SAMMSON: variants seen among roughly 807,000 people sequenced by gnomAD.
The protein encoded by SAMMSON is long intergenic non-protein coding RNA 1212.
At chr3:70,131,116 A>G (rs1039882087) in intron 4 of SAMMSON, among the ~76,000 whole-genome samples, 3 of 152,210 alleles carry the variant, frequency 2.0e-5, no homozygotes, top group Non-Finnish European at 4.4e-5. Context: ...AGCCAGTTTT[A>G]AAAATAGAAG....
chr3:70,408,942 C>G (rs1701196908), intron 2 of SAMMSON, among the ~76,000 whole-genome samples: 1 of 152,094 alleles, frequency 6.6e-6, no homozygotes, highest in Non-Finnish European at 1.5e-5. Context: ...TAGCAGGAGG[C>G]AAAAGCACTT....
intron 4 of SAMMSON, among the ~76,000 whole-genome samples, chr3:70,242,407 T>C (rs1408373556): frequency 6.6e-6 from 1 of 152,192 alleles, no homozygotes. Flanking sequence ...TTTGTAGAAT[T>C]AGATAATTAT....
chr3:70,402,254 CT>C (rs1701146545), intron 2 of SAMMSON, among the ~76,000 whole-genome samples: 1 of 152,144 alleles, frequency 6.6e-6, no homozygotes, highest in South Asian at 2.1e-4. Flanking sequence ...ACATATATTT[CT>C]TACTGAAACA....
chr3:70,002,459 A>C (rs1295186124), intron 1 of SAMMSON, among the ~76,000 whole-genome samples: 2 of 152,206 alleles, frequency 1.3e-5, no homozygotes, highest in Non-Finnish European at 2.9e-5. Flanking sequence ...AACTCAGAGA[A>C]TATATAAAAA....
At chr3:70,078,405 A>T (rs1314724417) in intron 4 of SAMMSON, among the ~76,000 whole-genome samples, 1 of 152,100 alleles carries the variant, frequency 6.6e-6, no homozygotes, top group African/African-American at 2.4e-5. Context: ...TGGTTCACTA[A>T]GTCTCTGGGT....
intron 4 of SAMMSON, among the ~76,000 whole-genome samples, chr3:70,223,855 A>G (rs945196638): frequency 2.0e-5 from 3 of 152,046 alleles, no homozygotes; most frequent in African/African-American, 7.2e-5. Flanking sequence ...TTTAGACTTA[A>G]TCTTTTTTCT....
downstream of SAMMSON, among the ~76,000 whole-genome samples, chr3:70,394,310 G>A (rs749937396): frequency 2.0e-5 from 3 of 152,154 alleles, no homozygotes; most frequent in Non-Finnish European, 4.4e-5. Flanking sequence ...TCTTATTTGG[G>A]TGGATCCTGG....
rs181665602 is a variant in SAMMSON, at chr3:70,409,053, G to C, written n.233+50729G>C. 8.5e-5 allele frequency among the ~76,000 whole-genome samples: 13 copies of C among 152,212 alleles called. No individual in the cohort carries two copies. In the East Asian group the frequency reaches 2.5e-3, roughly 29 times the overall value. On this transcript the variant is annotated intron_variant and non_coding_transcript_variant, in intron 2 of 3. Transcript: ENST00000641053. ...AGACTTATTCACTACCATGAGAACAGCATGAGGGAAACCACCCCCATGATT... is the reference window on the plus strand; with the variant it reads ...AGACTTATTCACTACCATGAGAACACCATGAGGGAAACCACCCCCATGATT...
intron 7 of SAMMSON, among the ~76,000 whole-genome samples, chr3:70,305,319 A>C (rs997061103): frequency 6.6e-6 from 1 of 152,076 alleles, no homozygotes; most frequent in Non-Finnish European, 1.5e-5. Flanking sequence ...ACGCACTTTC[A>C]TGAGTTAATG....
intron 9 of SAMMSON, among the ~76,000 whole-genome samples, chr3:70,373,829 C>T (rs986879683): frequency 1.3e-5 from 2 of 152,032 alleles, no homozygotes; most frequent in South Asian, 2.1e-4. Flanking sequence ...TTATCTTTCT[C>T]TGTAGAAAGA....
chr3:70,290,739 C>T (rs1702228772), intron 6 of SAMMSON, among the ~76,000 whole-genome samples: 1 of 152,300 alleles, frequency 6.6e-6, no homozygotes, highest in Non-Finnish European at 1.5e-5. Flanking sequence ...CCCTCCGAGC[C>T]AGGTGCAGGT....
chr3:70,136,486 A>G (rs1198255837), intron 4 of SAMMSON, among the ~76,000 whole-genome samples: 1 of 152,220 alleles, frequency 6.6e-6, no homozygotes, highest in Non-Finnish European at 1.5e-5. Context: ...CAAGCCTTCA[A>G]ATGATTGCAG....
chr3:70,141,712 C>T (rs553066447), intron 4 of SAMMSON, among the ~76,000 whole-genome samples: 2 of 152,258 alleles, frequency 1.3e-5, no homozygotes, highest in East Asian at 3.9e-4. Context: ...CCTTTGGCAA[C>T]CTTGTGTAGG....
chr3:70,142,124 G>A (rs990598963), intron 4 of SAMMSON, among the ~76,000 whole-genome samples: 6 of 4,934 alleles, frequency 1.2e-3, no homozygotes, highest in African/African-American at 1.6e-3. Flanking sequence ...ACAGCATGGA[G>A]GTTCCCTAAA....
At chr3:70,299,063 G>A (rs1475313720) in intron 7 of SAMMSON, among the ~76,000 whole-genome samples, 1 of 152,066 alleles carries the variant, frequency 6.6e-6, no homozygotes, top group Non-Finnish European at 1.5e-5. Flanking sequence ...CAGATTATAA[G>A]GAGATACCAA....
intron 4 of SAMMSON, among the ~76,000 whole-genome samples, chr3:70,168,960 A>T (rs1300884362): frequency 6.6e-6 from 1 of 151,930 alleles, no homozygotes; most frequent in African/African-American, 2.4e-5. Context: ...CTGTGTGTTG[A>T]ATTGCACTGA....
At chr3:70,336,625 A>G (rs1162482320) in intron 7 of SAMMSON, among the ~76,000 whole-genome samples, 1 of 151,988 alleles carries the variant, frequency 6.6e-6, no homozygotes, top group Non-Finnish European at 1.5e-5. Flanking sequence ...TCTCTTCATT[A>G]GTCTTGTAAA....
At chr3:70,329,039 G>A (rs1702601550) in intron 7 of SAMMSON, among the ~76,000 whole-genome samples, 2 of 152,034 alleles carry the variant, frequency 1.3e-5, no homozygotes, top group Non-Finnish European at 2.9e-5. Flanking sequence ...AATATTGAAA[G>A]AAAAGAAATC....
intron 6 of SAMMSON, chr3:70,272,399 A>T (rs1208803042): frequency 3.9e-5 from 6 of 152,168 alleles, no homozygotes; most frequent in African/African-American, 1.4e-4. Flanking sequence ...TCTTTCGCTC[A>T]ATATAATGCT....
Sources: allele counts gnomAD v4.1 joint callset (sites outside exome capture counted in the v4.1 genomes callset), GRCh38; gene constraint gnomAD v4.1.1; transcripts MANE v1.5; gene names NCBI Gene and HGNC (gene_info 2026-07-23, HGNC 2026-07-21).